HOXB4: variants seen among roughly 807,000 people sequenced by gnomAD.
HOXB4 encodes the protein homeobox B4, also known as homeobox protein Hox-B4.
In HOXB4, 13 loss-of-function variants were observed where a neutral mutation model predicts 20.0. That is an observed-to-expected ratio of 0.65 (90% CI 0.42 to 1.03). The LOEUF (loss-of-function observed/expected upper bound fraction) is 1.03, where lower values mean the gene tolerates loss of function less well. Among genes scored for constraint, HOXB4 ranks in the 50% least tolerant of loss-of-function variants. The pLI is 0.00. For synonymous variants in HOXB4, 173 were observed against 148.9 expected, an observed-to-expected ratio of 1.16 and a Z score of -1.18; for missense variants, 343 against 357.1, an observed-to-expected ratio of 0.96 and a Z score of 0.32.
Position 48,576,650 on chromosome 17 carries a change from T to TGCCCCCCC in HOXB4, c.*71_*72insGGGGGGGC. On this transcript the variant is annotated 3_prime_UTR_variant, in exon 2 of 2. Transcript: ENST00000332503. ...GCCCAGGCCCCAGGGCCCCCTCCTG[T>TGCCCCCCC]CCCCCCACCCCATCCCCTGCACTCA... The TGCCCCCCC allele has an allele frequency of 1.8e-6, 1 of 567,770 alleles. No individual in the cohort carries two copies. Among genetic ancestry groups the TGCCCCCCC allele is most frequent in the African/African-American group, 2.0e-5 (1 of 50,958 alleles). 35.2% of individuals were successfully genotyped at this position (567,770 alleles called of 1,614,324 possible).
chr17:48,577,985 G>A lies in HOXB4; in HGVS notation c.335C>T (p.Ala112Val). The A allele has an allele frequency of 1.5e-6, 2 of 1,292,458 alleles. No individual in the cohort carries two copies. The highest frequency in any genetic ancestry group is 9.8e-7 in the Non-Finnish European group (1 of 1,015,546). The allele number at this position is 1,292,458 out of a possible 1,614,324, so 80.1% of individuals were successfully genotyped here. The stretch of plus-strand genomic sequence containing the variant: ...AGGCGGCGGGGGGCTGCTGCTGACC[G>A]CCTCGCAGCGCTGGCCGGGCTCCGG... ...LLPEPGQRCE[A>V]VSSSPPPPPC... The change falls in exon 1 of 2, where the codon GCG (alanine) becomes GTG (valine). Residue 112 changes from alanine (A) to valine (V), a missense_variant. By Grantham distance (64) the Ala-to-Val change is moderately conservative. Coordinates refer to ENST00000332503, the MANE Select transcript of HOXB4 (RefSeq NM_024015.5).
intron 1 of HOXB4, among the ~76,000 whole-genome samples, chr17:48,577,577 C>T (rs2069807865): frequency 6.6e-6 from 1 of 152,234 alleles, no homozygotes. Flanking sequence ...CCCCAACTTC[C>T]AACTTCATTA....
In HOXB4 at chr17:48,576,444, C is replaced by T. The variant is rs2069764715; in HGVS notation, c.*278G>A. The T allele has an allele frequency of 2.8e-6, 1 of 356,226 alleles. No individual in the cohort carries two copies. 22.1% of individuals were successfully genotyped at this position (356,226 alleles called of 1,614,324 possible). Reference sequence around the variant, plus strand: ...TTCTCTTTCTGTCTTTTTCTTTCTTCCTTCTTCTTGCTTTTTCTTTTTCTT... The same window carrying T: ...TTCTCTTTCTGTCTTTTTCTTTCTTTCTTCTTCTTGCTTTTTCTTTTTCTT... On this transcript the variant is annotated 3_prime_UTR_variant, in exon 2 of 2. Coordinates refer to ENST00000332503, the MANE Select transcript of HOXB4 (RefSeq NM_024015.5).
Position 48,577,021 on chromosome 17 carries a change from C to A in HOXB4, c.458-1G>T. On this transcript the variant is annotated splice_acceptor_variant, in intron 1 of 1. Coordinates refer to ENST00000332503, the MANE Select transcript of HOXB4 (RefSeq NM_024015.5). LOFTEE classifies it high-confidence loss of function. Reference sequence around the variant, plus strand: ...TCCCCGCCGGCGTAATTGGGGTTTACTGGACACACACGGAGAGAGGGAGAA... The same window carrying A: ...TCCCCGCCGGCGTAATTGGGGTTTAATGGACACACACGGAGAGAGGGAGAA... 6.3e-7 allele frequency: 1 copy of A among 1,597,252 alleles called. No individual in the cohort carries two copies. The highest frequency in any genetic ancestry group is 8.5e-7 in the Non-Finnish European group (1 of 1,170,732).
At position 48,576,719 on chromosome 17, in the gene HOXB4, G is replaced by A. The variant is rs537257453; in HGVS notation, c.*3C>T. The A allele has an allele frequency of 1.5e-4, 246 of 1,599,366 alleles. No homozygotes were observed. Among genetic ancestry groups the A allele is most frequent in the Non-Finnish European group, 1.9e-4 (227 of 1,172,528 alleles). On this transcript the variant is annotated 3_prime_UTR_variant, in exon 2 of 2. Coordinates refer to ENST00000332503, the MANE Select transcript of HOXB4 (RefSeq NM_024015.5). ...AGGTTCGTGGCTCCCGCGTGCGGGGGCACTAGAGCGCGCGGGGGCCTCCAT... is the reference window on the plus strand; with the variant it reads ...AGGTTCGTGGCTCCCGCGTGCGGGGACACTAGAGCGCGCGGGGGCCTCCAT...
In HOXB4 at chr17:48,576,764, T is replaced by C; in HGVS notation, c.714A>G (p.Gly238=). The C allele has an allele frequency of 6.2e-7, 1 of 1,601,746 alleles. No individual in the cohort carries two copies. Among genetic ancestry groups the C allele is most frequent in the Non-Finnish European group, 8.5e-7 (1 of 1,172,456 alleles). The part of the protein sequence containing the change: ...IRSGGAAGSA[G]GPPGRPNGGP... ...CTCCATTGGGCCGGCCAGGGGGCCC[T>C]CCGGCTGAGCCTGCCGCACCACCCG... The change falls in exon 2 of 2, where the codon GGA becomes GGG. Residue 238 remains glycine, a synonymous_variant. Coordinates refer to ENST00000332503, the MANE Select transcript of HOXB4 (RefSeq NM_024015.5).
rs924059107 is a variant in HOXB4, at chr17:48,576,425, TTCTG to T, written c.*293_*296del. The T allele has an allele frequency of 1.6e-4, 41 of 263,592 alleles. No individual in the cohort carries two copies. The highest frequency in any genetic ancestry group is 1.0e-3 in the Middle Eastern group (1 of 964). 16.3% of individuals were successfully genotyped at this position (263,592 alleles called of 1,614,324 possible). ...AGCTGCAGCCTCCTCCTATTTCTCT[TTCTG>T]TCTTTTTCTTTCTTCCTTCTTCTTG... On this transcript the variant is annotated 3_prime_UTR_variant, in exon 2 of 2. Coordinates refer to ENST00000332503, the MANE Select transcript of HOXB4 (RefSeq NM_024015.5).
rs1157518083 is a variant in HOXB4 at position 48,576,803 on chromosome 17, G to A, written c.675C>T (p.Asn225=). The A allele has an allele frequency of 6.2e-7, 1 of 1,614,130 alleles. No homozygotes were observed. The highest frequency in any genetic ancestry group is 8.5e-7 in the Non-Finnish European group (1 of 1,180,052). Reference sequence around the variant, plus strand: ...CCGCACCACCCGAGCGGATCTTGGTGTTGGGCAACTTGTGGTCTTTTTTCC... The same window carrying A: ...CCGCACCACCCGAGCGGATCTTGGTATTGGGCAACTTGTGGTCTTTTTTCC... ...MKWKKDHKLP[N]TKIRSGGAAG... is the part of the protein sequence containing the mutation. The change falls in exon 2 of 2, where the codon AAC becomes AAT. Residue 225 remains asparagine (N), a synonymous_variant. Transcript: ENST00000332503.
chr17:48,578,040 G>C lies in HOXB4; in HGVS notation c.280C>G (p.Pro94Ala). 8.6e-7 allele frequency: 1 copy of C among 1,168,862 alleles called. No homozygotes were observed. The highest frequency in any genetic ancestry group is 1.1e-6 in the Non-Finnish European group (1 of 945,744). The allele number at this position is 1,168,862 out of a possible 1,614,324, so 72.4% of individuals were successfully genotyped here. Reference sequence around the variant, plus strand: ...AGGGCCCCGGCGGGTGGCGGCGCAGGAGCCCGAGGGGACAGACCGGGCGGT... The same window carrying C: ...AGGGCCCCGGCGGGTGGCGGCGCAGCAGCCCGAGGGGACAGACCGGGCGGT... ...PPPPGLSPRA[P>A]APPPAGALLP... Residue 94 changes from proline (P) to alanine (A), a missense_variant, in exon 1 of 2, where the codon CCT becomes GCT. Physicochemically the swap from Pro to Ala is conservative, Grantham distance 27. Transcript: ENST00000332503.
rs753574039 is a variant in HOXB4 at position 48,577,986 on chromosome 17, C to T, written c.334G>A (p.Ala112Thr). 1.5e-6 allele frequency: 2 copies of T among 1,306,022 alleles called. No individual in the cohort carries two copies. The highest frequency in any genetic ancestry group is 2.0e-6 in the Non-Finnish European group (2 of 1,023,900). The allele number at this position is 1,306,022 out of a possible 1,614,324, so 80.9% of individuals were successfully genotyped here. A position where few individuals can be genotyped will look rare whatever the true frequency, so the allele number is the denominator to read the frequency against. ...GGCGGCGGGGGGCTGCTGCTGACCGCCTCGCAGCGCTGGCCGGGCTCCGGG... is the reference window on the plus strand; with the variant it reads ...GGCGGCGGGGGGCTGCTGCTGACCGTCTCGCAGCGCTGGCCGGGCTCCGGG... ...LLPEPGQRCE[A>T]VSSSPPPPPC... Residue 112 changes from alanine (A) to threonine (T), a missense_variant, in exon 1 of 2, where the codon GCG (alanine) becomes ACG (threonine). Physicochemically the swap from Ala to Thr is moderately conservative, Grantham distance 58. Coordinates refer to ENST00000332503, the MANE Select transcript of HOXB4 (RefSeq NM_024015.5).
rs180762674 is a variant in HOXB4 at position 48,577,783 on chromosome 17, C to T, written c.457+80G>A. 1,145 of 1,238,810 alleles carry T rather than the reference C, an allele frequency of 9.2e-4. 3 individuals carry two copies. The highest frequency in any genetic ancestry group is 1.3e-3 in the Admixed American group (37 of 28,230). The allele number at this position is 1,238,810 out of a possible 1,614,324, so 76.7% of individuals were successfully genotyped here. A position where few individuals can be genotyped will look rare whatever the true frequency, so the allele number is the denominator to read the frequency against. On this transcript the variant is annotated intron_variant, in intron 1 of 1. Transcript: ENST00000332503. The stretch of plus-strand genomic sequence containing the variant: ...GACAATTGGCTTCCCCAGCTCAACC[C>T]CCCCCCAACCCATGCCTCCGAAGTC...
In HOXB4 at chr17:48,578,036, G is replaced by T. The variant is rs549239397; in HGVS notation, c.284C>A (p.Ala95Glu). ...GAGGAGGGCCCCGGCGGGTGGCGGCGCAGGAGCCCGAGGGGACAGACCGGG... is the reference window on the plus strand; with the variant it reads ...GAGGAGGGCCCCGGCGGGTGGCGGCTCAGGAGCCCGAGGGGACAGACCGGG... The part of the protein sequence containing the change: ...PPPGLSPRAP[A>E]PPPAGALLPE... Residue 95 changes from alanine (A) to glutamate (E), a missense_variant, in exon 1 of 2, where the codon GCG (alanine) becomes GAG (glutamate). Physicochemically the swap from Ala to Glu is moderately radical, Grantham distance 107. Around this residue, in one of 3 missense-constraint regions of HOXB4, gnomAD observed 241 missense variants for 222.0 expected, o/e 1.09. Coordinates refer to ENST00000332503, the MANE Select transcript of HOXB4 (RefSeq NM_024015.5). 9.3e-4 allele frequency: 1,144 copies of T among 1,227,044 alleles called. 4 individuals carry two copies. Among genetic ancestry groups the T allele is most frequent in the South Asian group, 2.4e-3 (61 of 25,238 alleles). The allele number at this position is 1,227,044 out of a possible 1,614,324, so 76.0% of individuals were successfully genotyped here.
intron 1 of HOXB4, 67 bp downstream of exon 1, chr17:48,577,796 T>G (rs961015484): frequency 7.7e-7 from 1 of 1,296,414 alleles, no homozygotes; most frequent in South Asian, 2.4e-5. Flanking sequence ...CCCCAACCCA[T>G]GCCTCCGAAG....
rs1394962550 is a variant in HOXB4, at chr17:48,576,893, G to A, written c.585C>T (p.Ile195=). ...RYLTRRRRVE[I]AHALCLSERQ... ...GCTCGGAGAGGCAGAGCGCGTGGGC[G>A]ATCTCCACCCTCCGGCGCCGTGTCA... The change falls in exon 2 of 2, where the codon ATC becomes ATT. Residue 195 remains isoleucine (I), a synonymous_variant. Coordinates refer to ENST00000332503, the MANE Select transcript of HOXB4 (RefSeq NM_024015.5). 9.3e-6 allele frequency: 15 copies of A among 1,614,240 alleles called. No homozygotes were observed. Among genetic ancestry groups the A allele is most frequent in the Non-Finnish European group, 1.3e-5 (15 of 1,180,038 alleles).
Position 48,578,101 on chromosome 17 carries a change from G to C in HOXB4, c.219C>G (p.Pro73=). The C allele has an allele frequency of 8.4e-7, 1 of 1,191,578 alleles. No homozygotes were observed. The highest frequency in any genetic ancestry group is 1.1e-6 in the Non-Finnish European group (1 of 928,420). 73.8% of individuals were successfully genotyped at this position (1,191,578 alleles called of 1,614,324 possible). The part of the protein sequence containing the change: ...QRYAACRDPG[P]PPPPPPPPPP... ...GCGGGGGTGGTGGCGGAGGCGGCGG[G>C]GGCCCAGGGTCCCGGCAGGCCGCGT... Residue 73 remains proline (P), a synonymous_variant, in exon 1 of 2, where the codon CCC becomes CCG. Coordinates refer to ENST00000332503, the MANE Select transcript of HOXB4 (RefSeq NM_024015.5).
chr17:48,577,548 C>A (rs919705314), intron 1 of HOXB4, among the ~76,000 whole-genome samples: 1 of 152,316 alleles, frequency 6.6e-6, no homozygotes, highest in East Asian at 1.9e-4. Flanking sequence ...CCTTCTCCTC[C>A]TCCACCTCCT....
Position 48,576,924 on chromosome 17 carries a change from C to T in HOXB4, c.554G>A (p.Arg185His). 6.2e-7 allele frequency: 1 copy of T among 1,614,238 alleles called. No individual in the cohort carries two copies. The highest frequency in any genetic ancestry group is 8.5e-7 in the Non-Finnish European group (1 of 1,180,028). The stretch of plus-strand genomic sequence containing the variant: ...CACCCTCCGGCGCCGTGTCAGGTAG[C>T]GGTTGTAGTGAAATTCCTTCTCCAG... ...LELEKEFHYN[R>H]YLTRRRRVEI... Residue 185 changes from arginine (R) to histidine (H), a missense_variant, in exon 2 of 2, where the codon CGC becomes CAC. Physicochemically the swap from Arg to His is conservative, Grantham distance 29. Coordinates refer to ENST00000332503, the MANE Select transcript of HOXB4 (RefSeq NM_024015.5).
chr17:48,576,509 T>TC lies in HOXB4; in HGVS notation c.*212_*213insG. 1 of 399,490 alleles carries TC rather than the reference T, an allele frequency of 2.5e-6. No homozygotes were observed. The highest frequency in any genetic ancestry group is 4.4e-6 in the Non-Finnish European group (1 of 227,180). 24.7% of individuals were successfully genotyped at this position (399,490 alleles called of 1,614,324 possible). A position where few individuals can be genotyped will look rare whatever the true frequency, so the allele number is the denominator to read the frequency against. The stretch of plus-strand genomic sequence containing the variant: ...AAGCAAGAGATTTGAATCTTGCTTC[T>TC]GGGGGGGCCTCCCCGTGGCCCTCTA... On this transcript the variant is annotated 3_prime_UTR_variant, in exon 2 of 2. Coordinates refer to ENST00000332503, the MANE Select transcript of HOXB4 (RefSeq NM_024015.5).
rs1348539633 is a variant in HOXB4 at position 48,578,289 on chromosome 17, T to C, written c.31A>G (p.Asn11Asp). 1.1e-5 allele frequency: 17 copies of C among 1,611,604 alleles called. No homozygotes were observed. The highest frequency in any genetic ancestry group is 1.7e-5 in the Admixed American group (1 of 59,708). ...GGAGGGAACTTGGGGTCGACATAGT[T>C]TGAGTTGATCAAAAAAGAACTCATA... is the stretch of plus-strand genomic sequence containing the variant. MAMSSFLINS[N>D]YVDPKFPPCE... Residue 11 changes from asparagine (N) to aspartate (D), a missense_variant, in exon 1 of 2, where the codon AAC becomes GAC. Physicochemically the swap from Asn to Asp is conservative, Grantham distance 23. Around this residue, in one of 3 missense-constraint regions of HOXB4, gnomAD observed 241 missense variants for 222.0 expected, o/e 1.09. Coordinates refer to ENST00000332503, the MANE Select transcript of HOXB4 (RefSeq NM_024015.5).
Sources: allele counts gnomAD v4.1 joint callset (sites outside exome capture counted in the v4.1 genomes callset), GRCh38; gene constraint gnomAD v4.1.1; regional missense constraint gnomAD v4.1.1; transcripts MANE v1.5; gene names NCBI Gene and HGNC (gene_info 2026-07-23, HGNC 2026-07-21).